Variants in SPAG9 observed in about 807,000 individuals in gnomAD.
SPAG9 encodes the protein C-Jun-amino-terminal kinase-interacting protein 4.
Under a neutral mutation model 166.5 loss-of-function variants are expected in SPAG9, and 35 were observed. That is an observed-to-expected ratio of 0.21 (90% confidence interval 0.16 to 0.28). The LOEUF is 0.28. Ranked by LOEUF, SPAG9 falls within the 10% of genes least tolerant of loss-of-function variation. The probability of loss-of-function intolerance (pLI) is 1.00; values close to 1 mark genes in which losing one functional copy is unlikely to be tolerated. For missense variants in SPAG9, 1,235 were observed against 1,603.3 expected, an observed-to-expected ratio of 0.77 and a Z score of 3.92; for synonymous variants, 534 against 565.5, an observed-to-expected ratio of 0.94 and a Z score of 0.79.
intron 1 of SPAG9, 73 bp from the exon 2 acceptor site, chr17:51,079,777 GAATCAAT>G: frequency 9.4e-7 from 1 of 1,060,220 alleles, no homozygotes; most frequent in Non-Finnish European, 1.4e-6. Flanking sequence ...TTATTTCTTG[GAATCAAT>G]AATCACAATT....
At chr17:50,975,280 CAT>C (rs576649645) in intron 27 of SPAG9, 136 of 248,470 alleles carry the variant, frequency 5.5e-4, no homozygotes, top group African/African-American at 1.3e-3. Context: ...TTTTAATGCA[CAT>C]GTTAGAAAAC....
rs1308608520 is a variant in SPAG9, at chr17:50,975,762, C to G, written c.3524-815G>C. 3 of 880,966 alleles carry G rather than the reference C, an allele frequency of 3.4e-6. No homozygotes were observed. In the African/African-American group the frequency reaches 5.0e-5, roughly 15 times the overall value. 54.6% of individuals were successfully genotyped at this position (880,966 alleles called of 1,614,324 possible). ...CGATGCAGTGACTGCAAGTGGATAACATTTAGGAACATTCAAGAGGGTATT... is the reference window on the plus strand; with the variant it reads ...CGATGCAGTGACTGCAAGTGGATAAGATTTAGGAACATTCAAGAGGGTATT... On this transcript the variant is annotated intron_variant, in intron 27 of 29. Transcript: ENST00000262013.
At chr17:50,972,831 G>A (rs1409351522) in intron 28 of SPAG9, among the ~76,000 whole-genome samples, 2 of 152,262 alleles carry the variant, frequency 1.3e-5, no homozygotes, top group South Asian at 4.1e-4. Flanking sequence ...TGCCACAGAA[G>A]CAAGAGCACA....
intron 7 of SPAG9, among the ~76,000 whole-genome samples, 164 bp from the exon 8 acceptor site, chr17:51,020,422 C>T (rs2045895836): frequency 6.6e-6 from 1 of 152,174 alleles, no homozygotes; most frequent in Admixed American, 6.5e-5. Context: ...ATCACATATT[C>T]AGTTAACAGA....
intron 1 of SPAG9, among the ~76,000 whole-genome samples, chr17:51,086,582 G>A (rs1048792379): frequency 6.6e-6 from 1 of 152,086 alleles, no homozygotes; most frequent in African/African-American, 2.4e-5. Flanking sequence ...GAACCCAGGA[G>A]GTGGAGGCTG....
At chr17:50,977,789 T>TG (rs1974306485) in intron 26 of SPAG9, among the ~76,000 whole-genome samples, 1 of 151,956 alleles carries the variant, frequency 6.6e-6, no homozygotes, top group African/African-American at 2.4e-5. Context: ...GAGGCTGAGG[T>TG]GGGAGGGTCA....
intron 6 of SPAG9, among the ~76,000 whole-genome samples, chr17:51,026,674 CTTTTTTTTTT>C (rs35339612): frequency 1.6e-5 from 2 of 124,224 alleles, no homozygotes; most frequent in Non-Finnish European, 1.7e-5. Flanking sequence ...TTTTTCTTTT[CTTTTTTTTTT>C]TTTTTTTTGA....
intron 2 of SPAG9, among the ~76,000 whole-genome samples, chr17:51,076,504 G>C (rs979308903): frequency 2.0e-5 from 3 of 152,120 alleles, no homozygotes; most frequent in African/African-American, 7.2e-5. Flanking sequence ...GGGAGGCCGA[G>C]GCAGGCGGAT....
intron 1 of SPAG9, among the ~76,000 whole-genome samples, chr17:51,106,102 T>TAC (rs71149344): frequency 0.063 from 6,914 of 110,548 alleles, 215 homozygotes; most frequent in African/African-American, 0.075. Flanking sequence ...CCCCCATCTC[T>TAC]ACACACACAC....
intron 1 of SPAG9, among the ~76,000 whole-genome samples, chr17:51,119,424 G>T (rs926133664): frequency 6.6e-6 from 1 of 152,118 alleles, no homozygotes; most frequent in African/African-American, 2.4e-5. Flanking sequence ...TAACGCCAAC[G>T]CAGGCTGAAA....
intron 2 of SPAG9, among the ~76,000 whole-genome samples, chr17:51,075,219 A>AAAG (rs1283108358): frequency 6.4e-4 from 94 of 147,916 alleles, no homozygotes; most frequent in African/African-American, 1.6e-3. Context: ...AAAAAAAAAA[A>AAAG]AAGAAGAAGA....
At chr17:51,042,005 C>A (rs961554412) in intron 4 of SPAG9, among the ~76,000 whole-genome samples, 6 of 152,200 alleles carry the variant, frequency 3.9e-5, no homozygotes, top group Admixed American at 2.0e-4. Context: ...AGGGAACTTG[C>A]AACCTCCTTC....
At chr17:51,087,256 T>A (rs1359653368) in intron 1 of SPAG9, among the ~76,000 whole-genome samples, 1 of 152,160 alleles carries the variant, frequency 6.6e-6, no homozygotes, top group Admixed American at 6.5e-5. Flanking sequence ...AGAACACTCA[T>A]AATTACAAAA....
In SPAG9 at chr17:50,999,397, G is replaced by C. The variant is rs1428313088; in HGVS notation, c.1664+264C>G. On this transcript the variant is annotated intron_variant, in intron 14 of 29. Transcript: ENST00000262013. The stretch of plus-strand genomic sequence containing the variant: ...AATAATTCCCCATTATTTAAATTTG[G>C]CAGAGGATTGCAACAAATGCACAGT... 22 of 1,104,004 alleles carry C rather than the reference G, an allele frequency of 2.0e-5. No homozygotes were observed. In the Admixed American group the frequency reaches 6.9e-4, roughly 34 times the overall value. 68.4% of individuals were successfully genotyped at this position (1,104,004 alleles called of 1,614,324 possible).
At chr17:50,979,708 T>TC in intron 26 of SPAG9, 38 bp downstream of exon 26, 1 of 1,585,114 alleles carries the variant, frequency 6.3e-7, no homozygotes, top group East Asian at 2.3e-5. Context: ...TAAAACACCC[T>TC]CTTTGACTGG....
chr17:51,058,196 C>T (rs961071060), intron 2 of SPAG9, among the ~76,000 whole-genome samples: 2 of 152,114 alleles, frequency 1.3e-5, no homozygotes, highest in Non-Finnish European at 2.9e-5. Flanking sequence ...AATAGTAGAG[C>T]CTTATTATTC....
At chr17:51,040,861 T>G (rs976075822) in intron 5 of SPAG9, among the ~76,000 whole-genome samples, 1 of 152,206 alleles carries the variant, frequency 6.6e-6, no homozygotes. Context: ...TCTTTTATAA[T>G]CAATATGATG....
chr17:50,975,860 T>C, intron 27 of SPAG9: 1 of 1,535,372 alleles, frequency 6.5e-7, no homozygotes, highest in Non-Finnish European at 8.7e-7. Context: ...AATCTGCACT[T>C]ACCCCTCAGC....
In SPAG9 at chr17:50,989,766, G is replaced by C. The variant is rs1445079492; in HGVS notation, c.2724C>G (p.Ile908Met). 5 of 1,614,060 alleles carry C rather than the reference G, an allele frequency of 3.1e-6. No individual in the cohort carries two copies. The highest frequency in any genetic ancestry group is 4.2e-6 in the Non-Finnish European group (5 of 1,179,970). ...GCTCTGTGTAGACGCCAGTTTGGGA[G>C]ATGTCCACTGTGTCTTCAGCTGACC... is the stretch of plus-strand genomic sequence containing the variant. ...NAGSAEDTVD[I>M]SQTGVYTEHV... is the part of the protein sequence containing the mutation. The change falls in exon 21 of 30, where the codon ATC becomes ATG. Residue 908 changes from isoleucine (I) to methionine (M), a missense_variant. Ile to Met is a conservative substitution (Grantham distance 10). This residue lies in a region of SPAG9 where 493 missense variants were observed against 559.4 expected (regional missense o/e 0.88). Coordinates refer to ENST00000262013, the MANE Select transcript of SPAG9 (RefSeq NM_001130528.3).
Sources: gnomAD v4.1 joint callset for allele counts (sites outside exome capture counted in the v4.1 genomes callset) on GRCh38, gnomAD v4.1.1 for gene constraint, gnomAD v4.1.1 regional missense constraint, MANE v1.5 for transcripts, NCBI Gene and HGNC (gene_info 2026-07-23, HGNC 2026-07-21) for gene names.